The following PPP2R5B variants were observed in gnomAD, a reference collection of about 807,000 sequenced individuals.
The protein encoded by PPP2R5B is protein phosphatase 2 regulatory subunit B'beta, also known as serine/threonine-protein phosphatase 2A 56 kDa regulatory subunit beta isoform.
In PPP2R5B, 19 loss-of-function variants were observed where a neutral mutation model predicts 59.9. That is an observed-to-expected ratio of 0.32 (90% CI 0.22 to 0.47). The LOEUF is 0.47. Among genes scored for constraint, PPP2R5B ranks in the 20% least tolerant of loss-of-function variants. PPP2R5B has a pLI of 1.00. For synonymous variants in PPP2R5B, 286 were observed against 260.5 expected (o/e 1.10, Z -0.94); for missense variants, 441 against 640.2 (o/e 0.69, Z 3.36).
rs1195614491 is a variant in PPP2R5B, at chr11:64,934,164, G to A, written c.*320G>A. ...TCCCACCCTCTGCTCCTGGCCTTGG[G>A]CAAGGGCACTCAGCGCCTCGCCTGC... On this transcript the variant is annotated 3_prime_UTR_variant, in exon 14 of 14. Transcript: ENST00000164133. 2 of 323,854 alleles carry A rather than the reference G, an allele frequency of 6.2e-6. No individual in the cohort carries two copies. The allele number at this position is 323,854 out of a possible 1,614,324, so 20.1% of individuals were successfully genotyped here. A position where few individuals can be genotyped will look rare whatever the true frequency, so the allele number is the denominator to read the frequency against.
chr11:64,933,174 T>C lies in PPP2R5B; in HGVS notation c.1274T>C (p.Leu425Pro). 1 of 1,613,190 alleles carries C rather than the reference T, an allele frequency of 6.2e-7. No individual in the cohort carries two copies. Among genetic ancestry groups the C allele is most frequent in the Non-Finnish European group, 8.5e-7 (1 of 1,179,302 alleles). Residue 425 changes from leucine (L) to proline (P), a missense_variant, in exon 13 of 14, where the codon CTC (leucine) becomes CCC (proline). Around this residue, in one of 3 missense-constraint regions of PPP2R5B, gnomAD observed 268 missense variants for 488.1 expected, o/e 0.55. Transcript: ENST00000164133. Reference protein sequence around the residue: ...QTIVSLIYNVLKTFMEMNGKL... With the variant: ...QTIVSLIYNVPKTFMEMNGKL... ...ATCGTATCACTGATCTACAATGTGC[T>C]CAAGACCTTCATGGAGATGAATGGG...
Position 64,928,351 on chromosome 11 carries a change from C to T in PPP2R5B, c.648C>T (p.Ile216=), listed in dbSNP as rs935705341. Residue 216 remains isoleucine (I), a synonymous_variant, in exon 6 of 14, where the codon ATC becomes ATT. Coordinates refer to ENST00000164133, the MANE Select transcript of PPP2R5B (RefSeq NM_006244.4). ...DPREREYLKT[I]LHRVYGKFLG... Reference sequence around the variant, plus strand: ...GGGAGCGTGAGTACCTCAAGACCATCCTGCACCGGGTCTATGGCAAGTTCC... The same window carrying T: ...GGGAGCGTGAGTACCTCAAGACCATTCTGCACCGGGTCTATGGCAAGTTCC... 3 of 1,614,152 alleles carry T rather than the reference C, an allele frequency of 1.9e-6. No homozygotes were observed. Among genetic ancestry groups the T allele is most frequent in the African/African-American group, 2.7e-5 (2 of 74,946 alleles).
chr11:64,921,335 G>GTCAAT (rs2307670), upstream of PPP2R5B, among the ~76,000 whole-genome samples: 1 of 151,800 alleles, frequency 6.6e-6, no homozygotes. Context: ...CTGGATTCCA[G>GTCAAT]TCAAGAGGTC....
At chr11:64,929,132 T>C in intron 6 of PPP2R5B, among the ~76,000 whole-genome samples, 1 of 152,206 alleles carries the variant, frequency 6.6e-6, no homozygotes, top group Non-Finnish European at 1.5e-5. Context: ...TTTATTTCCA[T>C]TTTACAGATG....
At chr11:64,918,995 TG>T (rs1945082150) in intron 1 of PPP2R5B, among the ~76,000 whole-genome samples, 1 of 152,168 alleles carries the variant, frequency 6.6e-6, no homozygotes, top group South Asian at 2.1e-4. Flanking sequence ...GTTCATTACC[TG>T]GAAGGAGCAG....
chr11:64,922,354 G>A (rs1365485828), upstream of PPP2R5B, among the ~76,000 whole-genome samples: 5 of 151,980 alleles, frequency 3.3e-5, no homozygotes, highest in South Asian at 2.1e-4. Flanking sequence ...GCATGATGGC[G>A]TGCATCTGTG....
At position 64,926,718 on chromosome 11, in the gene PPP2R5B, C is replaced by T. The variant is rs375715449; in HGVS notation, c.206C>T (p.Pro69Leu). The change falls in exon 3 of 14, where the codon CCG becomes CTG. Residue 69 changes from proline to leucine, a missense_variant. Around this residue, in one of 3 missense-constraint regions of PPP2R5B, gnomAD observed 268 missense variants for 488.1 expected, o/e 0.55. Transcript: ENST00000164133. ...LTPLPLLKDV[P>L]ASELHELLSR... The stretch of plus-strand genomic sequence containing the variant: ...GATGCCCTCTCCTCCCCAGATGTGC[C>T]GGCTTCCGAGCTGCACGAGCTGCTG... 7.4e-6 allele frequency: 12 copies of T among 1,613,814 alleles called. No individual in the cohort carries two copies. The highest frequency in any genetic ancestry group is 2.2e-5 in the East Asian group (1 of 44,876).
At position 64,933,933 on chromosome 11, in the gene PPP2R5B, T is replaced by C; in HGVS notation, c.*89T>C. The C allele has an allele frequency of 7.2e-7, 1 of 1,388,798 alleles. No individual in the cohort carries two copies. Among genetic ancestry groups the C allele is most frequent in the South Asian group, 1.7e-5 (1 of 57,284 alleles). The allele number at this position is 1,388,798 out of a possible 1,614,324, so 86.0% of individuals were successfully genotyped here. On this transcript the variant is annotated 3_prime_UTR_variant, in exon 14 of 14. Transcript: ENST00000164133. ...CCAGGGGCCCAGAGAGAAACACACCTACCCCTGGCCTTGCCAGAGTGGCTT... is the reference window on the plus strand; with the variant it reads ...CCAGGGGCCCAGAGAGAAACACACCCACCCCTGGCCTTGCCAGAGTGGCTT...
chr11:64,929,933 C>A (rs557526761), intron 6 of PPP2R5B, among the ~76,000 whole-genome samples: 39 of 152,304 alleles, frequency 2.6e-4, no homozygotes, highest in Admixed American at 7.2e-4. Flanking sequence ...TGCCTATTAA[C>A]ATTGGGGTTG....
chr11:64,924,962 G>A lies in PPP2R5B; in HGVS notation c.-331G>A, dbSNP rs1945143898. 6.6e-6 allele frequency: 1 copy of A among 152,326 alleles called. No homozygotes were observed. The highest frequency in any genetic ancestry group is 1.9e-4 in the East Asian group (1 of 5,196). The allele number at this position is 152,326 out of a possible 1,614,324, so 9.4% of individuals were successfully genotyped here. ...AGCGGAACCGCTGCGAAGGGGCCCT[G>A]AACGGCCGTCGCCCTCCCTACGGGC... On this transcript the variant is annotated 5_prime_UTR_variant, in exon 1 of 14. Coordinates refer to ENST00000164133, the MANE Select transcript of PPP2R5B (RefSeq NM_006244.4).
chr11:64,932,097 C>T (rs1312091979), intron 11 of PPP2R5B, among the ~76,000 whole-genome samples: 3 of 152,092 alleles, frequency 2.0e-5, no homozygotes, highest in Admixed American at 1.3e-4. Context: ...ATTAAGCTTC[C>T]GCAGCTGTAA....
At chr11:64,921,195 A>G (rs1208947183), upstream of PPP2R5B, among the ~76,000 whole-genome samples, 3 of 151,772 alleles carry the variant, frequency 2.0e-5, no homozygotes, top group Non-Finnish European at 2.9e-5. Flanking sequence ...GGCTCAAGCA[A>G]TCCACCTGCC....
upstream of PPP2R5B, among the ~76,000 whole-genome samples, chr11:64,922,081 G>A (rs1945114167): frequency 6.6e-6 from 1 of 151,904 alleles, no homozygotes; most frequent in African/African-American, 2.4e-5. Context: ...GGTGGCATGC[G>A]CCTGAGGTCC....
chr11:64,933,173 C>T lies in PPP2R5B; in HGVS notation c.1273C>T (p.Leu425Phe), dbSNP rs1441792354. Residue 425 changes from leucine to phenylalanine, a missense_variant, in exon 13 of 14, where the codon CTC (leucine) becomes TTC (phenylalanine). This residue lies in a region of PPP2R5B where 268 missense variants were observed against 488.1 expected (regional missense o/e 0.55). Coordinates refer to ENST00000164133, the MANE Select transcript of PPP2R5B (RefSeq NM_006244.4). The part of the protein sequence containing the change: ...QTIVSLIYNV[L>F]KTFMEMNGKL... Reference sequence around the variant, plus strand: ...CATCGTATCACTGATCTACAATGTGCTCAAGACCTTCATGGAGATGAATGG... The same window carrying T: ...CATCGTATCACTGATCTACAATGTGTTCAAGACCTTCATGGAGATGAATGG... 1.9e-6 allele frequency: 3 copies of T among 1,613,030 alleles called. No homozygotes were observed. The highest frequency in any genetic ancestry group is 2.5e-6 in the Non-Finnish European group (3 of 1,179,234).
At chr11:64,918,018 A>G (rs372146481) in intron 1 of PPP2R5B, among the ~76,000 whole-genome samples, 46 of 152,306 alleles carry the variant, frequency 3.0e-4, no homozygotes, top group African/African-American at 1.1e-3. Context: ...ACGGCCTTTG[A>G]GCTAAGTATG....
At chr11:64,932,728 C>A (rs769854172) in intron 11 of PPP2R5B, 37 bp from the exon 12 acceptor site, 1 of 1,606,614 alleles carries the variant, frequency 6.2e-7, no homozygotes, top group Non-Finnish European at 8.5e-7. Flanking sequence ...AGAGAAGCCA[C>A]TGCCAGTTAA....
At chr11:64,927,024 T>G in intron 3 of PPP2R5B, 116 bp downstream of exon 3, 1 of 1,258,200 alleles carries the variant, frequency 7.9e-7, no homozygotes, top group Non-Finnish European at 1.1e-6. Context: ...TTGGCCTCAG[T>G]CCACGTCTTC....
At chr11:64,920,046 G>A (rs1393030755), upstream of PPP2R5B, among the ~76,000 whole-genome samples, 5 of 151,752 alleles carry the variant, frequency 3.3e-5, no homozygotes, top group African/African-American at 1.2e-4. Context: ...CCGGGGGGCA[G>A]AGGTTGCCGT....
At position 64,925,621 on chromosome 11, in the gene PPP2R5B, C is replaced by CCT. The variant is rs1554968366; in HGVS notation, c.-113_-112insTC. 1.3e-5 allele frequency: 7 copies of CCT among 549,212 alleles called. No individual in the cohort carries two copies. The highest frequency in any genetic ancestry group is 7.2e-5 in the East Asian group (2 of 27,682). The allele number at this position is 549,212 out of a possible 1,614,324, so 34.0% of individuals were successfully genotyped here. On this transcript the variant is annotated 5_prime_UTR_variant, in exon 2 of 14. Coordinates refer to ENST00000164133, the MANE Select transcript of PPP2R5B (RefSeq NM_006244.4). The surrounding 1 kb of genome is among the most constrained non-coding windows in gnomAD (Gnocchi z 4.6). ...GCCCAGGACTGTGGTTGTGCCCCCC[C>CCT]CCCAAAGGCCGGACAGGATGGGACC...
Sources: gnomAD v4.1 joint callset for allele counts (sites outside exome capture counted in the v4.1 genomes callset) on GRCh38, gnomAD v4.1.1 for gene constraint, gnomAD v4.1.1 regional missense constraint, Gnocchi (gnomAD v3.1) non-coding constraint, MANE v1.5 for transcripts, NCBI Gene and HGNC (gene_info 2026-07-23, HGNC 2026-07-21) for gene names.